Variants in RUSF1 observed in about 807,000 individuals in gnomAD.
RUSF1 encodes RUS1 family protein C16orf58.
Under a neutral mutation model 63.0 loss-of-function variants are expected in RUSF1, and 58 were observed. The ratio of observed to expected loss-of-function variants is 0.92; its 90% CI spans 0.75 to 1.15. The LOEUF is 1.15. RUSF1 is among the 50% of genes most tolerant of loss of function. The probability of loss-of-function intolerance (pLI) is 0.00; values close to 1 mark genes in which losing one functional copy is unlikely to be tolerated. For missense variants in RUSF1, 652 were observed against 611.0 expected (o/e 1.07, Z -0.71); for synonymous variants, 274 against 255.8 (o/e 1.07, Z -0.68).
At chr16:31,507,465 T>C (rs1366604782) in intron 2 of RUSF1, among the ~76,000 whole-genome samples, 1 of 152,164 alleles carries the variant, frequency 6.6e-6, no homozygotes, top group African/African-American at 2.4e-5. Flanking sequence ...ATTGCATTCT[T>C]ATGCAATCTT....
chr16:31,493,441 C>G (rs377369374), intron 9 of RUSF1, 26 bp downstream of exon 9: 1 of 1,576,698 alleles, frequency 6.3e-7, no homozygotes, highest in Non-Finnish European at 8.6e-7. Context: ...GCGGTGGTGA[C>G]GAGCGGGAGA....
intron 6 of RUSF1, 100 bp from the exon 7 acceptor site, chr16:31,494,036 C>T: frequency 7.8e-7 from 1 of 1,289,040 alleles, no homozygotes; most frequent in Non-Finnish European, 1.1e-6. Flanking sequence ...CCACAACCTC[C>T]CAGGGCTCCT....
chr16:31,499,562 A>C, intron 3 of RUSF1, 37 bp from the exon 4 acceptor site: 2 of 1,575,634 alleles, frequency 1.3e-6, no homozygotes, highest in Non-Finnish European at 1.7e-6. Context: ...TTTGGACTTA[A>C]GGAGAAACAC....
intron 6 of RUSF1, among the ~76,000 whole-genome samples, chr16:31,496,232 T>C (rs1260551949): frequency 6.6e-6 from 1 of 152,144 alleles, no homozygotes; most frequent in African/African-American, 2.4e-5. Flanking sequence ...AAGTTTCTTT[T>C]ATATATTATG....
chr16:31,493,832 T>G, intron 7 of RUSF1, 34 bp downstream of exon 7: 2 of 1,614,168 alleles, frequency 1.2e-6, no homozygotes, highest in African/African-American at 1.3e-5. Flanking sequence ...GAGGCCCAGC[T>G]GGGGTTCTCC....
rs181629545 is a variant in RUSF1, at chr16:31,508,226, C to T, written c.148G>A (p.Val50Ile). The T allele has an allele frequency of 9.1e-4, 1,429 of 1,563,758 alleles. 8 individuals are homozygous for T. The East Asian group carries it at 9.7e-3, about 11-fold the overall frequency. The change falls in exon 1 of 13, where the codon GTC (valine) becomes ATC (isoleucine). Residue 50 changes from valine (V) to isoleucine (I), a missense_variant. Val to Ile is a conservative substitution (Grantham distance 29). Transcript: ENST00000327237. ...CCCGCATCTCGTCCTTCAGGTTTGA[C>T]CGTGAAGGCCCTGGAGAGCCCCCAC... ...RWWGLSRAFT[V>I]KPEGRDAGEV...
At position 31,490,259 on chromosome 16, in the gene RUSF1, G is replaced by A; in HGVS notation, c.*576C>T. On this transcript the variant is annotated 3_prime_UTR_variant, in exon 13 of 13. Transcript: ENST00000327237. ...GGGCACCATGCTGGGAGGTGGGGCT[G>A]GAGGAGCTGAGTTCCCGCAAACTAA... 3 of 1,613,982 alleles carry A rather than the reference G, an allele frequency of 1.9e-6. No individual in the cohort carries two copies. Among genetic ancestry groups the A allele is most frequent in the Non-Finnish European group, 2.5e-6 (3 of 1,179,950 alleles).
Position 31,496,863 on chromosome 16 carries a change from T to G in RUSF1, c.688A>C (p.Lys230Gln). The change falls in exon 6 of 13, where the codon AAG becomes CAG. Residue 230 changes from lysine (K) to glutamine (Q), a missense_variant. Coordinates refer to ENST00000327237, the MANE Select transcript of RUSF1 (RefSeq NM_022744.4). ...RRNNMADVSAKDSSQETLVNL... is the reference protein window; with the variant it reads ...RRNNMADVSAQDSSQETLVNL... ...CTGGCACTCACCTGGCTGCTGTCCT[T>G]GGCTGACACGTCAGCCATGTTGTTC... The G allele has an allele frequency of 6.3e-7, 1 of 1,599,150 alleles. No individual in the cohort carries two copies. The highest frequency in any genetic ancestry group is 1.1e-5 in the South Asian group (1 of 88,014).
At position 31,490,635 on chromosome 16, in the gene RUSF1, A is replaced by G; in HGVS notation, c.*200T>C. 8.5e-7 allele frequency: 1 copy of G among 1,170,238 alleles called. No homozygotes were observed. The allele number at this position is 1,170,238 out of a possible 1,614,324, so 72.5% of individuals were successfully genotyped here. A position where few individuals can be genotyped will look rare whatever the true frequency, so the allele number is the denominator to read the frequency against. On this transcript the variant is annotated 3_prime_UTR_variant, in exon 13 of 13. Transcript: ENST00000327237. ...AAAGGGGAAGGGGCAGTGGGGTGAG[A>G]AGGTCCTGGCTCCCCTTCTCCCGGC... is the stretch of plus-strand genomic sequence containing the variant.
Position 31,500,721 on chromosome 16 carries a change from G to C in RUSF1, c.426C>G (p.Gly142=). 6.2e-7 allele frequency: 1 copy of C among 1,612,334 alleles called. No individual in the cohort carries two copies. Among genetic ancestry groups the C allele is most frequent in the African/African-American group, 1.3e-5 (1 of 75,026 alleles). The change falls in exon 3 of 13, where the codon GGC becomes GGG. Residue 142 remains glycine, a synonymous_variant. Transcript: ENST00000327237. ...TATWLVKDST[G]MLGRIVFAWW... ...AGGCAAAGACGATGCGGCCCAGCAT[G>C]CCAGTTGAATCTGGGGGAAAGAAGG...
At chr16:31,494,055 T>C in intron 6 of RUSF1, 119 bp from the exon 7 acceptor site, 1 of 1,124,994 alleles carries the variant, frequency 8.9e-7, no homozygotes, top group Non-Finnish European at 1.3e-6. Flanking sequence ...CTTACTGCAA[T>C]GTGGGTAAAT....
At chr16:31,503,276 A>G (rs936132269) in intron 2 of RUSF1, among the ~76,000 whole-genome samples, 4 of 152,200 alleles carry the variant, frequency 2.6e-5, no homozygotes, top group African/African-American at 7.2e-5. Context: ...GAACACAGGA[A>G]TAAGTCTGCC....
chr16:31,503,304 C>T (rs984200395), intron 2 of RUSF1, among the ~76,000 whole-genome samples: 6 of 152,108 alleles, frequency 3.9e-5, no homozygotes, highest in African/African-American at 1.4e-4. Context: ...AAATCATGGC[C>T]CTAAGTGACC....
In RUSF1 at chr16:31,499,205, C is replaced by T. The variant is rs1272375516; in HGVS notation, c.600+97G>A. The T allele has an allele frequency of 3.6e-6, 4 of 1,117,348 alleles. No individual in the cohort carries two copies. The Admixed American group carries it at 7.6e-5, about 21-fold the overall frequency. The allele number at this position is 1,117,348 out of a possible 1,614,324, so 69.2% of individuals were successfully genotyped here. On this transcript the variant is annotated intron_variant, in intron 5 of 12. Transcript: ENST00000327237. ...GTAGAAACATCTGAACTTTCTTATT[C>T]TTCTTGAAGTGGCAGGTAAACTCAC...
Position 31,490,268 on chromosome 16 carries a change from G to C in RUSF1, c.*567C>G. 8 of 1,613,894 alleles carry C rather than the reference G, an allele frequency of 5.0e-6. No homozygotes were observed. The highest frequency in any genetic ancestry group is 6.8e-6 in the Non-Finnish European group (8 of 1,179,944). ...GCTGGGAGGTGGGGCTGGAGGAGCT[G>C]AGTTCCCGCAAACTAACTGCAGGGC... On this transcript the variant is annotated 3_prime_UTR_variant, in exon 13 of 13. Transcript: ENST00000327237.
In RUSF1 at chr16:31,508,163, A is replaced by G. The variant is rs369023846; in HGVS notation, c.211T>C (p.Ser71Pro). The change falls in exon 1 of 13, where the codon TCC (serine) becomes CCC (proline). Residue 71 changes from serine to proline, a missense_variant. By Grantham distance (74) the Ser-to-Pro change is moderately conservative. Transcript: ENST00000327237. ...GGCAGGAACACGGCCTGGAGCCCGG[A>G]GAGGGGCGGTGAGGGGGCCCCGGAA... Reference protein sequence around the residue: ...GASGAPSPPLSGLQAVFLPQG... With the variant: ...GASGAPSPPLPGLQAVFLPQG... The G allele has an allele frequency of 4.1e-5, 65 of 1,583,382 alleles. No individual in the cohort carries two copies. Among genetic ancestry groups the G allele is most frequent in the Middle Eastern group, 1.7e-4 (1 of 6,030 alleles).
chr16:31,498,631 G>A (rs1346525919), intron 5 of RUSF1, among the ~76,000 whole-genome samples: 1 of 152,228 alleles, frequency 6.6e-6, no homozygotes, highest in African/African-American at 2.4e-5. Flanking sequence ...TGCAAGGGTT[G>A]TGCAGGCAAC....
chr16:31,489,958 A>G lies in RUSF1; in HGVS notation c.*877T>C. ...GGCACAGGGCAGCCATGTAGGGTGG[A>G]GTTGGCATGAGTTAAGCCTGGGCTG... On this transcript the variant is annotated 3_prime_UTR_variant, in exon 13 of 13. Coordinates refer to ENST00000327237, the MANE Select transcript of RUSF1 (RefSeq NM_022744.4). 3.0e-6 allele frequency: 3 copies of G among 1,015,398 alleles called. No individual in the cohort carries two copies. The allele number at this position is 1,015,398 out of a possible 1,614,324, so 62.9% of individuals were successfully genotyped here.
At position 31,493,610 on chromosome 16, in the gene RUSF1, C is replaced by T. The variant is rs770474057; in HGVS notation, c.951G>A (p.Leu317=). ...DPTAANRMEP[L]WTGFWPAPSL... ...GACCAGGGGCAGGGTCACCTGTCCA[C>T]AGCGGCTCCATGCGATTGGCTGCAG... is the stretch of plus-strand genomic sequence containing the variant. Residue 317 remains leucine, a synonymous_variant, in exon 8 of 13, where the codon CTG becomes CTA. Coordinates refer to ENST00000327237, the MANE Select transcript of RUSF1 (RefSeq NM_022744.4). 3.7e-6 allele frequency: 6 copies of T among 1,614,208 alleles called. No individual in the cohort carries two copies. Among genetic ancestry groups the T allele is most frequent in the Middle Eastern group, 1.6e-4 (1 of 6,062 alleles).
Sources: allele counts gnomAD v4.1 joint callset (sites outside exome capture counted in the v4.1 genomes callset), GRCh38; gene constraint gnomAD v4.1.1; transcripts MANE v1.5; gene names NCBI Gene and HGNC (gene_info 2026-07-23, HGNC 2026-07-21).